The following LEMD1 variants were observed in gnomAD, a reference collection of about 807,000 sequenced individuals.
LEMD1 encodes the protein LEM domain containing 1.
Under a neutral mutation model 17.4 loss-of-function variants are expected in LEMD1, and 18 were observed. The ratio of observed to expected loss-of-function variants is 1.04; its 90% CI spans 0.72 to 1.54. LEMD1 has a LOEUF of 1.54. LEMD1 is among the 40% of genes most tolerant of loss of function. LEMD1 has a pLI of 0.00. For synonymous variants in LEMD1, 88 were observed against 77.8 expected (o/e 1.13, Z -0.69); for missense variants, 195 against 210.4 (o/e 0.93, Z 0.45).
intron 1 of LEMD1, among the ~76,000 whole-genome samples, chr1:205,427,495 G>GAGAGAC (rs1399192702): frequency 2.8e-4 from 42 of 151,752 alleles, no homozygotes; most frequent in African/African-American, 1.0e-3. Context: ...GAGAGAGAGA[G>GAGAGAC]AGAGAGAGAG....
chr1:205,409,833 C>T (rs1428775294), intron 4 of LEMD1, among the ~76,000 whole-genome samples: 1 of 151,710 alleles, frequency 6.6e-6, no homozygotes, highest in African/African-American at 2.4e-5. Context: ...AGGGCAATGG[C>T]ACTATCTCAG....
At position 205,419,230 on chromosome 1, in the gene LEMD1, C is replaced by T. The variant is rs749153237; in HGVS notation, c.205G>A (p.Glu69Lys). Reference sequence around the variant, plus strand: ...CTAGCAGTACAGCTTATGGCGGTACCTTCGCTGTCATCACTGTCCTGCGCT... The same window carrying T: ...CTAGCAGTACAGCTTATGGCGGTACTTTCGCTGTCATCACTGTCCTGCGCT... Reference protein sequence around the residue: ...DGAQDSDDSEELNIILQGNII... With the variant: ...DGAQDSDDSEKLNIILQGNII... The change falls in exon 3 of 6, where the codon GAG becomes AAG. Residue 69 changes from glutamate (E) to lysine (K), a missense_variant and splice_region_variant. By Grantham distance (56) the Glu-to-Lys change is moderately conservative (BLOSUM62 1). Transcript: ENST00000367153. 9.3e-6 allele frequency: 15 copies of T among 1,613,956 alleles called. 1 individual carries two copies. The highest frequency in any genetic ancestry group is 1.6e-4 in the Middle Eastern group (1 of 6,062).
intron 1 of LEMD1, among the ~76,000 whole-genome samples, chr1:205,431,855 T>C (rs926635898): frequency 3.3e-5 from 5 of 152,170 alleles, no homozygotes; most frequent in African/African-American, 4.8e-5. Flanking sequence ...TAGCTGGGAC[T>C]ACAGGTGCGT....
intron 4 of LEMD1, among the ~76,000 whole-genome samples, chr1:205,415,971 G>T (rs1028351766): frequency 6.6e-6 from 1 of 152,158 alleles, no homozygotes; most frequent in African/African-American, 2.4e-5. Flanking sequence ...TGGGGAGGGG[G>T]CGTGACAGCT....
At chr1:205,415,919 AG>A (rs1303548203) in intron 4 of LEMD1, among the ~76,000 whole-genome samples, 1 of 152,174 alleles carries the variant, frequency 6.6e-6, no homozygotes, top group Non-Finnish European at 1.5e-5. Context: ...CCCAGAACCA[AG>A]CTAAGTGCTA....
intron 3 of LEMD1, 21 bp downstream of exon 3, chr1:205,419,209 C>T (rs372310334): frequency 6.2e-6 from 10 of 1,611,666 alleles, no homozygotes; most frequent in Non-Finnish European, 8.5e-6. Context: ...TGCCATCTAG[C>T]AGTACAGCTT....
At chr1:205,434,422 C>T (rs1404278008) in intron 1 of LEMD1, among the ~76,000 whole-genome samples, 5 of 151,292 alleles carry the variant, frequency 3.3e-5, no homozygotes, top group Non-Finnish European at 1.5e-5. Context: ...CTGGTCTTAA[C>T]TCCTGAGCTC....
intron 4 of LEMD1, among the ~76,000 whole-genome samples, chr1:205,404,389 T>A (rs1355974408): frequency 3.3e-5 from 5 of 152,168 alleles, no homozygotes; most frequent in Admixed American, 2.6e-4. Context: ...GGTGCTCCTG[T>A]ATTGGGTGCA....
chr1:205,422,604 ATAT>A (rs1375385523), upstream of LEMD1, among the ~76,000 whole-genome samples: 17 of 150,104 alleles, frequency 1.1e-4, no homozygotes, highest in African/African-American at 3.6e-4. Flanking sequence ...GCTGAGACAG[ATAT>A]TATCATCTAC....
chr1:205,436,677 ATTCTGT>A (rs942689986), intron 1 of LEMD1: 14 of 152,094 alleles, frequency 9.2e-5, no homozygotes, highest in Admixed American at 8.5e-4. Flanking sequence ...TTGGGAACAG[ATTCTGT>A]TTCTTGGTTC....
chr1:205,429,748 G>A (rs1234348474), intron 1 of LEMD1, among the ~76,000 whole-genome samples: 3 of 151,962 alleles, frequency 2.0e-5, no homozygotes, highest in African/African-American at 7.3e-5. Flanking sequence ...CACCTTACCC[G>A]AGAAGGGCAT....
chr1:205,442,716 A>G (rs1369229439), intron 1 of LEMD1, among the ~76,000 whole-genome samples: 2 of 152,010 alleles, frequency 1.3e-5, no homozygotes, highest in African/African-American at 2.4e-5. Flanking sequence ...TTACACACCC[A>G]CTCTGGTGGA....
At chr1:205,442,237 G>A (rs998261056) in intron 1 of LEMD1, among the ~76,000 whole-genome samples, 3 of 152,168 alleles carry the variant, frequency 2.0e-5, no homozygotes, top group African/African-American at 4.8e-5. Flanking sequence ...CAAGTGCTGC[G>A]GGGAAGGAGG....
chr1:205,408,320 T>C (rs1272427379), intron 4 of LEMD1, among the ~76,000 whole-genome samples: 1 of 138,742 alleles, frequency 7.2e-6, no homozygotes, highest in Non-Finnish European at 1.6e-5. Context: ...AAAGAGACAA[T>C]GGTAGGGTAC....
chr1:205,416,349 A>G, intron 3 of LEMD1, 53 bp from the exon 4 acceptor site: 2 of 1,270,818 alleles, frequency 1.6e-6, no homozygotes, highest in South Asian at 1.3e-5. Context: ...TTGAGCTAGC[A>G]AAGGGAATAA....
At chr1:205,442,785 C>T (rs889874236) in intron 1 of LEMD1, among the ~76,000 whole-genome samples, 6 of 152,158 alleles carry the variant, frequency 3.9e-5, no homozygotes, top group African/African-American at 1.4e-4. Context: ...GACACAACTA[C>T]TATATTTCTA....
chr1:205,394,274 C>T (rs1041858431), intron 4 of LEMD1, among the ~76,000 whole-genome samples: 20 of 152,052 alleles, frequency 1.3e-4, no homozygotes, highest in Middle Eastern at 3.4e-3. Flanking sequence ...TTTAGGGTGA[C>T]AAAAATGTTT....
chr1:205,407,573 G>C (rs930783556), intron 4 of LEMD1, among the ~76,000 whole-genome samples: 1 of 152,154 alleles, frequency 6.6e-6, no homozygotes. Context: ...TGCGTCTCTT[G>C]CCCTAGACCT....
rs747957120 is a variant in LEMD1, at chr1:205,416,307, G to A, written c.206-11C>T. ...AAATGATATTAAGCTCTGGATCATG[G>A]GAAACAAAAGGAAAATAGGCCATGA... On this transcript the variant is annotated splice_polypyrimidine_tract_variant and intron_variant, in intron 3 of 5. Coordinates refer to ENST00000367153, the MANE Select transcript of LEMD1 (RefSeq NM_001199050.2). The A allele has an allele frequency of 6.6e-6, 10 of 1,524,718 alleles. No homozygotes were observed. Among genetic ancestry groups the A allele is most frequent in the Non-Finnish European group, 8.9e-6 (10 of 1,126,110 alleles). The allele number at this position is 1,524,718 out of a possible 1,614,324, so 94.4% of individuals were successfully genotyped here.
Sources: allele counts gnomAD v4.1 joint callset (sites outside exome capture counted in the v4.1 genomes callset), GRCh38; gene constraint gnomAD v4.1.1; transcripts MANE v1.5; gene names NCBI Gene and HGNC (gene_info 2026-07-23, HGNC 2026-07-21).